Variants in ANOS1 observed in about 807,000 individuals in gnomAD.
ANOS1 encodes anosmin 1.
ANOS1 carries 6 observed loss-of-function variants against 59.0 expected under a neutral mutation model. The observed-to-expected ratio is 0.10, with a 90% CI of 0.06 to 0.20. The LOEUF (loss-of-function observed/expected upper bound fraction) is 0.20. Ranked by LOEUF, ANOS1 falls within the 10% of genes least tolerant of loss-of-function variation. ANOS1 has a pLI of 1.00. For missense variants in ANOS1, 433 were observed against 542.3 expected (o/e 0.80, Z 2.00); for synonymous variants, 217 against 223.4 (o/e 0.97, Z 0.25).
chrX:8,722,785 C>G (rs948889414), intron 1 of ANOS1, among the ~76,000 whole-genome samples: 1 of 112,423 alleles, frequency 8.9e-6, no homozygotes, highest in African/African-American at 3.2e-5. Flanking sequence ...CTTTAAGGAA[C>G]CTCCACACTG....
intron 1 of ANOS1, among the ~76,000 whole-genome samples, chrX:8,718,461 T>C (rs987123888): frequency 2.7e-5 from 3 of 112,488 alleles, no homozygotes; most frequent in Non-Finnish European, 5.6e-5. Context: ...GTGACGTCTT[T>C]GTCCCTTCTT....
intron 3 of ANOS1, among the ~76,000 whole-genome samples, chrX:8,619,410 C>A (rs1178590677): frequency 9.0e-6 from 1 of 111,287 alleles, no homozygotes; most frequent in Non-Finnish European, 1.9e-5. Flanking sequence ...TGGAGACCAT[C>A]CTGGCCAACA....
At chrX:8,647,875 C>A (rs1346223153) in intron 2 of ANOS1, among the ~76,000 whole-genome samples, 2 of 111,882 alleles carry the variant, frequency 1.8e-5, no homozygotes, top group Non-Finnish European at 3.8e-5. Flanking sequence ...CTCATTTCAA[C>A]ACCCTGACAT....
chrX:8,713,661 G>A (rs1446667539), intron 1 of ANOS1, among the ~76,000 whole-genome samples: 1 of 106,899 alleles, frequency 9.4e-6, no homozygotes, highest in Non-Finnish European at 1.9e-5. Context: ...CACCCAGGCT[G>A]GAGTGCAACG....
At chrX:8,623,799 A>G in intron 2 of ANOS1, 129 bp from the exon 3 acceptor site, 1 of 542,131 alleles carries the variant, frequency 1.8e-6, no homozygotes, top group South Asian at 2.7e-5. Flanking sequence ...AAACCAAAGA[A>G]TCAGCTGCTC....
At chrX:8,574,639 G>A (rs1043095734) in intron 6 of ANOS1, among the ~76,000 whole-genome samples, 1 of 111,671 alleles carries the variant, frequency 9.0e-6, no homozygotes, top group Non-Finnish European at 1.9e-5. Flanking sequence ...TCCTGCCCTC[G>A]AACATCAGAC....
intron 4 of ANOS1, among the ~76,000 whole-genome samples, chrX:8,588,590 T>C (rs1046044827): frequency 2.7e-5 from 3 of 112,250 alleles, no homozygotes; most frequent in Non-Finnish European, 5.6e-5. Flanking sequence ...TTCCCCTATA[T>C]ATAGTCTTAA....
intron 1 of ANOS1, among the ~76,000 whole-genome samples, chrX:8,712,642 T>C (rs1346641912): frequency 3.5e-5 from 4 of 112,712 alleles, no homozygotes; most frequent in African/African-American, 9.7e-5. Context: ...TGTCAGAACA[T>C]GGTGTTTTGT....
chrX:8,567,876 T>C (rs1930146194), intron 8 of ANOS1, among the ~76,000 whole-genome samples: 1 of 112,165 alleles, frequency 8.9e-6, no homozygotes, highest in Admixed American at 9.4e-5. Flanking sequence ...AACATCAAGT[T>C]ATAACAGTTT....
chrX:8,626,868 A>C (rs1484272669), intron 2 of ANOS1, among the ~76,000 whole-genome samples: 1 of 110,249 alleles, frequency 9.1e-6, no homozygotes, highest in East Asian at 2.8e-4. Flanking sequence ...CTCAAAAAAA[A>C]AAAAAAAGAA....
chrX:8,651,098 C>T (rs1931842985), intron 2 of ANOS1, among the ~76,000 whole-genome samples: 1 of 112,600 alleles, frequency 8.9e-6, no homozygotes, highest in Admixed American at 9.3e-5. Flanking sequence ...GGGTACACAG[C>T]CCCCTGTATG....
intron 1 of ANOS1, among the ~76,000 whole-genome samples, chrX:8,703,574 CA>C (rs1932767032): frequency 9.0e-6 from 1 of 111,360 alleles, no homozygotes; most frequent in Non-Finnish European, 1.9e-5. Flanking sequence ...TGATTAACCT[CA>C]ATGGTAAACA....
chrX:8,654,934 A>G (rs1006790548), intron 2 of ANOS1, among the ~76,000 whole-genome samples: 2 of 112,385 alleles, frequency 1.8e-5, no homozygotes, highest in African/African-American at 3.2e-5. Context: ...AATGGGATGT[A>G]GCCATGCCCA....
chrX:8,699,513 T>C (rs1932731051), intron 2 of ANOS1, among the ~76,000 whole-genome samples, 185 bp downstream of exon 2: 1 of 112,238 alleles, frequency 8.9e-6, no homozygotes, highest in Non-Finnish European at 1.9e-5. Context: ...CAAAATCATA[T>C]ACATACATTG....
intron 2 of ANOS1, among the ~76,000 whole-genome samples, chrX:8,664,736 G>A (rs770903634): frequency 3.6e-5 from 4 of 111,320 alleles, no homozygotes; most frequent in South Asian, 3.8e-4. Flanking sequence ...GGTACCCCAC[G>A]GTCTCTGCAG....
intron 2 of ANOS1, among the ~76,000 whole-genome samples, chrX:8,633,328 G>A (rs769308222): frequency 9.9e-5 from 11 of 111,588 alleles, no homozygotes; most frequent in African/African-American, 1.6e-4. Flanking sequence ...TTGGAGTTTC[G>A]GGGGAAGTGT....
chrX:8,617,177 T>C (rs1931191836), intron 3 of ANOS1, among the ~76,000 whole-genome samples: 2 of 112,351 alleles, frequency 1.8e-5, no homozygotes, highest in Admixed American at 1.9e-4. Context: ...TTATATCACT[T>C]TCACGTTTAG....
At chrX:8,724,700 A>G (rs1932898963) in intron 1 of ANOS1, among the ~76,000 whole-genome samples, 1 of 112,429 alleles carries the variant, frequency 8.9e-6, no homozygotes, top group East Asian at 2.8e-4. Flanking sequence ...CAAGAGGTCA[A>G]CAACTGCATC....
intron 6 of ANOS1, among the ~76,000 whole-genome samples, chrX:8,574,648 A>C (rs1344077987): frequency 9.0e-6 from 1 of 111,467 alleles, no homozygotes; most frequent in East Asian, 2.8e-4. Flanking sequence ...CGAACATCAG[A>C]CTCCAAGTTC....
Sources: gnomAD v4.1 joint callset for allele counts (sites outside exome capture counted in the v4.1 genomes callset) on GRCh38, gnomAD v4.1.1 for gene constraint, MANE v1.5 for transcripts, NCBI Gene and HGNC (gene_info 2026-07-23, HGNC 2026-07-21) for gene names.